The following ANKRD36B variants were observed in gnomAD, a reference collection of about 807,000 sequenced individuals.
The protein encoded by ANKRD36B is ankyrin repeat domain 36B, also known as ankyrin repeat domain-containing protein 36B.
ANKRD36B carries 37 observed loss-of-function variants against 135.7 expected under a neutral mutation model. That is an observed-to-expected ratio of 0.27 (90% confidence interval 0.21 to 0.36). The LOEUF is 0.36. Ranked by LOEUF, ANKRD36B falls within the 10% of genes least tolerant of loss-of-function variation. The probability of loss-of-function intolerance (pLI) is 1.00; values close to 1 mark genes in which losing one functional copy is unlikely to be tolerated. For missense variants in ANKRD36B, 549 were observed against 1,037.1 expected (o/e 0.53, Z 6.46); for synonymous variants, 179 against 348.1 (o/e 0.51, Z 5.41).
At chr2:97,573,238 T>C (rs994800424) in intron 6 of ANKRD36B, among the ~76,000 whole-genome samples, 1 of 152,204 alleles carries the variant, frequency 6.6e-6, no homozygotes, top group Non-Finnish European at 1.5e-5. Flanking sequence ...ACAAAGGACA[T>C]GAACTCATCA....
chr2:97,554,265 A>G (rs1178911947), intron 14 of ANKRD36B, among the ~76,000 whole-genome samples: 1 of 151,990 alleles, frequency 6.6e-6, no homozygotes, highest in African/African-American at 2.4e-5. Context: ...TCTCTAAATA[A>G]TATTCATTAA....
In ANKRD36B at chr2:97,589,779, C is replaced by A. The variant is rs2083291840; in HGVS notation, c.-94G>T. Reference sequence around the variant, plus strand: ...TATTTCAGCTCGCCTTCGGGGATCGCCGCCTCCGAAGAGCAACAACAGGCA... The same window carrying A: ...TATTTCAGCTCGCCTTCGGGGATCGACGCCTCCGAAGAGCAACAACAGGCA... On this transcript the variant is annotated 5_prime_UTR_variant, in exon 1 of 44. Coordinates refer to ENST00000359901, the MANE Select transcript of ANKRD36B (RefSeq NM_001393939.1). The A allele has an allele frequency of 1.9e-6, 3 of 1,593,398 alleles. No individual in the cohort carries two copies. The highest frequency in any genetic ancestry group is 2.6e-6 in the Non-Finnish European group (3 of 1,166,788).
chr2:97,558,145 C>T (rs929806312), intron 10 of ANKRD36B, among the ~76,000 whole-genome samples: 7 of 151,840 alleles, frequency 4.6e-5, no homozygotes, highest in African/African-American at 1.7e-4. Context: ...CTCTGATGCC[C>T]AACAGTAACA....
intron 18 of ANKRD36B, among the ~76,000 whole-genome samples, chr2:97,550,885 T>C (rs903551405): frequency 1.3e-5 from 2 of 151,906 alleles, no homozygotes; most frequent in African/African-American, 4.8e-5. Flanking sequence ...CAGTTCTCCT[T>C]CTACAGTGTC....
At chr2:97,560,303 C>T (rs569034300) in intron 8 of ANKRD36B, among the ~76,000 whole-genome samples, 28 of 151,966 alleles carry the variant, frequency 1.8e-4, no homozygotes, top group Admixed American at 3.9e-4. Flanking sequence ...CTGTTGATAA[C>T]AATATGATAT....
chr2:97,508,447 A>G (rs77625487), intron 40 of ANKRD36B, among the ~76,000 whole-genome samples: 2 of 81,940 alleles, frequency 2.4e-5, no homozygotes, highest in African/African-American at 6.6e-5. Flanking sequence ...CATTTTATCA[A>G]TTAAATACTC....
chr2:97,508,826 T>C (rs1424963357), intron 40 of ANKRD36B, among the ~76,000 whole-genome samples: 3 of 109,244 alleles, frequency 2.7e-5, no homozygotes, highest in African/African-American at 7.5e-5. Context: ...CCATTAAACA[T>C]GCCAAAGGAG....
intron 18 of ANKRD36B, among the ~76,000 whole-genome samples, chr2:97,550,835 G>A (rs1432287659): frequency 6.6e-6 from 1 of 151,802 alleles, no homozygotes; most frequent in Non-Finnish European, 1.5e-5. Context: ...CTCACAATCC[G>A]TCTTCATTCA....
Position 97,527,606 on chromosome 2 carries a change from T to G in ANKRD36B, c.2266-4139A>C, listed in dbSNP as rs2078290032. ...AATGCTCCAATTAAAAGACACAGAC[T>G]GGCAAATTGGATAAAGAGTCAAGAC... On this transcript the variant is annotated intron_variant, in intron 35 of 43. Transcript: ENST00000359901. Among the ~76,000 whole-genome samples the G allele has an allele frequency of 2.1e-5, 2 of 95,610 alleles. 1 individual carries two copies. Among genetic ancestry groups the G allele is most frequent in the Non-Finnish European group, 5.6e-5 (2 of 36,036 alleles). 62.7% of individuals were successfully genotyped at this position (95,610 alleles called of 152,430 possible).
chr2:97,496,236 G>A lies in ANKRD36B; in HGVS notation c.*7-3381C>T, dbSNP rs58737798. The stretch of plus-strand genomic sequence containing the variant: ...AAGCTGAATCCAGAGCTAAGCCTTA[G>A]TAACATTCTTTAATTCTATGAAGTC... On this transcript the variant is annotated intron_variant, in intron 43 of 43. Transcript: ENST00000359901. 2.5e-4 allele frequency among the ~76,000 whole-genome samples: 27 copies of A among 107,900 alleles called. 10 individuals are homozygous for A. Among genetic ancestry groups the A allele is most frequent in the Non-Finnish European group, 5.8e-4 (22 of 38,070 alleles). 70.8% of individuals were successfully genotyped at this position (107,900 alleles called of 152,430 possible). A position where few individuals can be genotyped will look rare whatever the true frequency, so the allele number is the denominator to read the frequency against.
chr2:97,548,015 A>G (rs571166993), intron 20 of ANKRD36B, among the ~76,000 whole-genome samples: 12 of 151,876 alleles, frequency 7.9e-5, no homozygotes, highest in Non-Finnish European at 1.6e-4. Context: ...ATGCTGAGTG[A>G]TGAGGACAAA....
intron 18 of ANKRD36B, 88 bp downstream of exon 18, chr2:97,551,201 G>C (rs959996662): frequency 4.0e-6 from 6 of 1,491,886 alleles, no homozygotes; most frequent in East Asian, 2.5e-5. Flanking sequence ...AGAATGTGCA[G>C]CTTCGACCAG....
intron 5 of ANKRD36B, among the ~76,000 whole-genome samples, chr2:97,578,043 G>A (rs1454940364): frequency 6.6e-6 from 1 of 152,030 alleles, no homozygotes; most frequent in Non-Finnish European, 1.5e-5. Context: ...AAAAAAAAGG[G>A]ACTCAAAAAA....
rs75291884 is a variant in ANKRD36B, at chr2:97,562,316, C to A, written c.764-1456G>T. 2.0e-5 allele frequency among the ~76,000 whole-genome samples: 3 copies of A among 152,020 alleles called. No individual in the cohort carries two copies. The South Asian group carries it at 6.2e-4, about 31-fold the overall frequency. ...CTGTTTAGTACTCTAAAAATGCATTCTTTGATTCCTTTTTTTTAAAATCTA... is the reference window on the plus strand; with the variant it reads ...CTGTTTAGTACTCTAAAAATGCATTATTTGATTCCTTTTTTTTAAAATCTA... On this transcript the variant is annotated intron_variant, in intron 6 of 43. Coordinates refer to ENST00000359901, the MANE Select transcript of ANKRD36B (RefSeq NM_001393939.1).
intron 18 of ANKRD36B, among the ~76,000 whole-genome samples, chr2:97,550,446 A>G (rs2079938713): frequency 1.3e-5 from 2 of 151,912 alleles, no homozygotes; most frequent in African/African-American, 4.8e-5. Context: ...ATGCAACATA[A>G]TTTATGCCTC....
At position 97,541,315 on chromosome 2, in the gene ANKRD36B, G is replaced by A. The variant is rs1421860662; in HGVS notation, c.1885+596C>T. 2.1e-5 allele frequency among the ~76,000 whole-genome samples: 2 copies of A among 96,210 alleles called. 1 individual carries two copies. The highest frequency in any genetic ancestry group is 4.6e-4 in the East Asian group (2 of 4,306). The allele number at this position is 96,210 out of a possible 152,430, so 63.1% of individuals were successfully genotyped here. On this transcript the variant is annotated intron_variant, in intron 28 of 43. Transcript: ENST00000359901. The stretch of plus-strand genomic sequence containing the variant: ...TTGTTTCCTGCTTCCAGTAGTTCTT[G>A]GAGAAGCCAAAATTTAGTGTTCTTT...
chr2:97,574,489 CAGGG>C (rs2082098844), intron 6 of ANKRD36B, among the ~76,000 whole-genome samples: 2 of 152,174 alleles, frequency 1.3e-5, no homozygotes, highest in Non-Finnish European at 2.9e-5. Flanking sequence ...GGCGATTCCT[CAGGG>C]ATCTAGAACT....
intron 6 of ANKRD36B, among the ~76,000 whole-genome samples, chr2:97,562,705 T>C (rs2081136678): frequency 6.6e-6 from 1 of 152,062 alleles, no homozygotes; most frequent in African/African-American, 2.4e-5. Context: ...ATTCATTTCT[T>C]CATTATTTTC....
At chr2:97,579,618 TA>T (rs1489709205) in intron 4 of ANKRD36B, among the ~76,000 whole-genome samples, 2 of 128,660 alleles carry the variant, frequency 1.6e-5, no homozygotes, top group Non-Finnish European at 3.4e-5. Flanking sequence ...TAGTATATTA[TA>T]TATAATCTAT....
Sources: gnomAD v4.1 joint callset for allele counts (sites outside exome capture counted in the v4.1 genomes callset) on GRCh38, gnomAD v4.1.1 for gene constraint, MANE v1.5 for transcripts, NCBI Gene and HGNC (gene_info 2026-07-23, HGNC 2026-07-21) for gene names.